The following ANKRD11 variants were observed in gnomAD, a reference collection of about 807,000 sequenced individuals.
The protein encoded by ANKRD11 is ankyrin repeat domain-containing protein 11.
Under a neutral mutation model 195.7 loss-of-function variants are expected in ANKRD11, and 17 were observed. The observed-to-expected ratio is 0.09, with a 90% CI of 0.06 to 0.13. ANKRD11 has a LOEUF of 0.13. ANKRD11 is among the 10% of genes least tolerant of loss of function. The probability of loss-of-function intolerance (pLI) is 1.00; values close to 1 mark genes in which losing one functional copy is unlikely to be tolerated. For missense variants in ANKRD11, 3,735 were observed against 3,566.1 expected, an observed-to-expected ratio of 1.05 and a Z score of -1.21; for synonymous variants, 1,953 against 1,528.1, an observed-to-expected ratio of 1.28 and a Z score of -6.49.
At chr16:89,398,167 A>G (rs1436557859) in intron 2 of ANKRD11, among the ~76,000 whole-genome samples, 37 of 150,926 alleles carry the variant, frequency 2.5e-4, no homozygotes, top group African/African-American at 7.2e-4. Context: ...TGACCTCAGC[A>G]CTCTGGGAGG....
chr16:89,472,572 G>A (rs2057123739), intron 1 of ANKRD11, among the ~76,000 whole-genome samples: 1 of 152,072 alleles, frequency 6.6e-6, no homozygotes, highest in Admixed American at 6.6e-5. Context: ...CAGGCTGGAG[G>A]GCAGTGGCAC....
intron 1 of ANKRD11, among the ~76,000 whole-genome samples, chr16:89,478,982 ACT>A (rs2057349036): frequency 6.6e-6 from 1 of 151,938 alleles, no homozygotes; most frequent in Non-Finnish European, 1.5e-5. Context: ...AGATGTTCTC[ACT>A]CTGTCACCGG....
chr16:89,381,353 A>AGG (rs2040642723), intron 2 of ANKRD11, among the ~76,000 whole-genome samples: 1 of 56,656 alleles, frequency 1.8e-5, no homozygotes, highest in African/African-American at 5.0e-5. Flanking sequence ...AAAAAAAAAA[A>AGG]AGGGGTGAGA....
At chr16:89,374,954 G>C (rs1005377740) in intron 2 of ANKRD11, among the ~76,000 whole-genome samples, 1 of 152,090 alleles carries the variant, frequency 6.6e-6, no homozygotes, top group Non-Finnish European at 1.5e-5. Context: ...AGTATGTCAT[G>C]AATGTACAAA....
At position 89,301,302 on chromosome 16, in the gene ANKRD11, T is replaced by C. The variant is rs2035840066; in HGVS notation, c.226+3904A>G. The C allele has an allele frequency of 1.6e-5, 6 of 377,212 alleles. No individual in the cohort carries two copies. In the Admixed American group the frequency reaches 2.3e-4, roughly 14 times the overall value. 23.4% of individuals were successfully genotyped at this position (377,212 alleles called of 1,614,324 possible). ...TTTAAGTTTTGGGAAACCTTACACATATAAAAAAGTAGACAAAGTAGTATC... is the reference window on the plus strand; with the variant it reads ...TTTAAGTTTTGGGAAACCTTACACACATAAAAAAGTAGACAAAGTAGTATC... On this transcript the variant is annotated intron_variant, in intron 4 of 12. Coordinates refer to ENST00000301030, the MANE Select transcript of ANKRD11 (RefSeq NM_013275.6).
At chr16:89,473,030 A>G (rs569843582) in intron 1 of ANKRD11, among the ~76,000 whole-genome samples, 1 of 152,190 alleles carries the variant, frequency 6.6e-6, no homozygotes, top group Non-Finnish European at 1.5e-5. Context: ...GACTCTACAA[A>G]AAGTACAAAC....
chr16:89,365,930 C>A (rs78386381), intron 2 of ANKRD11, among the ~76,000 whole-genome samples: 4,453 of 152,102 alleles, frequency 0.029, 148 homozygotes, highest in African/African-American at 0.075. Context: ...CTCATCATTT[C>A]GTTCCCATTC....
At chr16:89,320,565 C>T (rs1013169918) in intron 2 of ANKRD11, among the ~76,000 whole-genome samples, 3 of 152,204 alleles carry the variant, frequency 2.0e-5, no homozygotes, top group African/African-American at 7.2e-5. Flanking sequence ...CACCTCCTGG[C>T]GGATGGCAAC....
intron 2 of ANKRD11, among the ~76,000 whole-genome samples, chr16:89,331,995 T>A (rs1448985578): frequency 1.3e-5 from 2 of 151,998 alleles, no homozygotes; most frequent in Admixed American, 1.3e-4. Flanking sequence ...CAAAAAAAAT[T>A]TAAAAACTCA....
chr16:89,424,709 G>C (rs529845929), intron 1 of ANKRD11, among the ~76,000 whole-genome samples: 119 of 152,292 alleles, frequency 7.8e-4, no homozygotes, highest in African/African-American at 2.5e-3. Context: ...CAAATCAGTG[G>C]TTCTCAGGGG....
intron 2 of ANKRD11, chr16:89,395,784 A>G (rs1318203141): frequency 1.3e-5 from 2 of 152,242 alleles, no homozygotes; most frequent in African/African-American, 2.4e-5. Flanking sequence ...TACCTGCTTA[A>G]TAACAATGCC....
At chr16:89,292,895 C>G (rs1026911953) in intron 4 of ANKRD11, among the ~76,000 whole-genome samples, 2 of 152,214 alleles carry the variant, frequency 1.3e-5, no homozygotes, top group Admixed American at 6.5e-5. Context: ...CCATGCTGCC[C>G]GGGGGCCGGC....
intron 1 of ANKRD11, chr16:89,422,135 A>T (rs1044582702): frequency 1.3e-5 from 2 of 152,068 alleles, no homozygotes; most frequent in African/African-American, 4.8e-5. Context: ...TATTTAATAC[A>T]ATCAACGGGT....
rs913885039 is a variant in ANKRD11 at position 89,318,610 on chromosome 16, G to A, written c.-59-1532C>T. Among the ~76,000 whole-genome samples, 49 of 152,230 alleles carry A rather than the reference G, an allele frequency of 3.2e-4. 1 individual carries two copies. The highest frequency in any genetic ancestry group is 2.9e-3 in the Admixed American group (45 of 15,294). ...TGTGAGCCTCTCCCACCTCCACCCCGTCAGCTAAAGGATACGTTGCATGCC... is the reference window on the plus strand; with the variant it reads ...TGTGAGCCTCTCCCACCTCCACCCCATCAGCTAAAGGATACGTTGCATGCC... On this transcript the variant is annotated intron_variant, in intron 2 of 12. Coordinates refer to ENST00000301030, the MANE Select transcript of ANKRD11 (RefSeq NM_013275.6).
chr16:89,302,375 C>T (rs910980509), intron 4 of ANKRD11, among the ~76,000 whole-genome samples: 1 of 152,206 alleles, frequency 6.6e-6, no homozygotes, highest in Non-Finnish European at 1.5e-5. Context: ...GCCTCAGCCT[C>T]CCGAGTAGCT....
chr16:89,442,864 A>C (rs2043585826), intron 1 of ANKRD11, among the ~76,000 whole-genome samples: 1 of 151,922 alleles, frequency 6.6e-6, no homozygotes. Flanking sequence ...GCCGGCCACC[A>C]CCTCCCACGG....
In ANKRD11 at chr16:89,286,087, G is replaced by T; in HGVS notation, c.844C>A (p.Leu282Ile). 1 of 1,614,242 alleles carries T rather than the reference G, an allele frequency of 6.2e-7. No homozygotes were observed. Among genetic ancestry groups the T allele is most frequent in the Non-Finnish European group, 8.5e-7 (1 of 1,180,042 alleles). The change falls in exon 8 of 13, where the codon CTC becomes ATC. Residue 282 changes from leucine (L) to isoleucine (I), a missense_variant. Coordinates refer to ENST00000301030, the MANE Select transcript of ANKRD11 (RefSeq NM_013275.6). ...GTGTAAGTGCCTTTGCCTAACAGGA[G>T]GTTCACCATCGTGGGGGAGTTGGCC... ...KVANSPTMVN[L>I]LLGKGTYTSS...
rs760015367 is a variant in ANKRD11 at position 89,281,099 on chromosome 16, C to T, written c.5443G>A (p.Val1815Ile). Residue 1815 changes from valine to isoleucine, a missense_variant, in exon 9 of 13, where the codon GTT (valine) becomes ATT (isoleucine). Val to Ile is a conservative substitution (Grantham distance 29). Coordinates refer to ENST00000301030, the MANE Select transcript of ANKRD11 (RefSeq NM_013275.6). The surrounding 1 kb of genome is among the most constrained non-coding windows in gnomAD (Gnocchi z 5.5). ...GAGTCGTAGCTGGAGGCAGCAGGAA[C>T]GCTCTGCTGCCTGAAGAGCTTGTCT... ...VGDKLFRQQS[V>I]PAASSYDSPM... 12 of 1,610,026 alleles carry T rather than the reference C, an allele frequency of 7.5e-6. No homozygotes were observed. Among genetic ancestry groups the T allele is most frequent in the East Asian group, 2.2e-5 (1 of 44,768 alleles).
At chr16:89,465,653 C>G (rs181943192) in intron 1 of ANKRD11, among the ~76,000 whole-genome samples, 2 of 152,206 alleles carry the variant, frequency 1.3e-5, no homozygotes, top group Non-Finnish European at 2.9e-5. Context: ...CTGCACGTCA[C>G]GTGGACGAGC....
Sources: gnomAD v4.1 joint callset for allele counts (sites outside exome capture counted in the v4.1 genomes callset) on GRCh38, gnomAD v4.1.1 for gene constraint, Gnocchi (gnomAD v3.1) non-coding constraint, MANE v1.5 for transcripts, NCBI Gene and HGNC (gene_info 2026-07-23, HGNC 2026-07-21) for gene names.